METTL15: variants seen among roughly 807,000 people sequenced by gnomAD.
The protein encoded by METTL15 is 12S rRNA N(4)-cytidine methyltransferase METTL15.
Under a neutral mutation model 38.3 loss-of-function variants are expected in METTL15, and 34 were observed. The ratio of observed to expected loss-of-function variants is 0.89; its 90% CI spans 0.68 to 1.18. The LOEUF is 1.18. Among genes scored for constraint, METTL15 ranks in the 50% most tolerant of loss-of-function variants. The pLI is 0.00. For synonymous variants in METTL15, 162 were observed against 170.9 expected (o/e 0.95, Z 0.41); for missense variants, 438 against 498.4 (o/e 0.88, Z 1.15).
At chr11:28,180,972 T>G (rs867340445) in intron 3 of METTL15, among the ~76,000 whole-genome samples, 27 of 151,828 alleles carry the variant, frequency 1.8e-4, no homozygotes, top group African/African-American at 6.5e-4. Flanking sequence ...TTGCTAGGTT[T>G]CGTTTTCTAC....
chr11:28,272,013 A>G (rs1855660645), intron 4 of METTL15, among the ~76,000 whole-genome samples: 1 of 152,226 alleles, frequency 6.6e-6, no homozygotes, highest in Non-Finnish European at 1.5e-5. Context: ...CAAAACCACA[A>G]TGAGATACCA....
chr11:28,113,429 G>T lies in METTL15; in HGVS notation c.95G>T (p.Arg32Ile). Residue 32 changes from arginine (R) to isoleucine (I), a missense_variant, in exon 3 of 7, where the codon AGA (arginine) becomes ATA (isoleucine). Arg to Ile is a moderately conservative substitution (Grantham distance 97). Coordinates refer to ENST00000407364, the MANE Select transcript of METTL15 (RefSeq NM_001113528.2). ...GIPNLGVWPN[R>I]IHTTAEKYRE... ...CCTAATTTAGGTGTCTGGCCAAACAGAATACATACTACAGCAGAAAAATAT... is the reference window on the plus strand; with the variant it reads ...CCTAATTTAGGTGTCTGGCCAAACATAATACATACTACAGCAGAAAAATAT... The T allele has an allele frequency of 3.1e-6, 5 of 1,603,204 alleles. No homozygotes were observed. Among genetic ancestry groups the T allele is most frequent in the Non-Finnish European group, 4.3e-6 (5 of 1,175,252 alleles).
chr11:28,248,815 G>C lies in METTL15; in HGVS notation c.407+37617G>C, dbSNP rs1460654657. On this transcript the variant is annotated intron_variant, in intron 4 of 6. Transcript: ENST00000407364. Reference sequence around the variant, plus strand: ...TTTTATTTATCCCATTTTATTATTAGAAAAAAAAAGCATCACTAAGGTTAA... The same window carrying C: ...TTTTATTTATCCCATTTTATTATTACAAAAAAAAAGCATCACTAAGGTTAA... 2.0e-5 allele frequency among the ~76,000 whole-genome samples: 3 copies of C among 149,206 alleles called. No individual in the cohort carries two copies. The East Asian group carries it at 5.9e-4, about 29-fold the overall frequency.
intron 3 of METTL15, among the ~76,000 whole-genome samples, chr11:28,171,772 G>A (rs916746818): frequency 6.0e-5 from 9 of 149,208 alleles, no homozygotes; most frequent in African/African-American, 1.2e-4. Context: ...CCTGCCCGCC[G>A]CCTCTCTCTC....
intron 6 of METTL15, among the ~76,000 whole-genome samples, chr11:28,448,284 T>C (rs565312060): frequency 6.6e-6 from 1 of 152,298 alleles, no homozygotes; most frequent in African/African-American, 2.4e-5. Flanking sequence ...TTGGGCAGGG[T>C]TCCTGCTGCA....
intron 5 of METTL15, among the ~76,000 whole-genome samples, chr11:28,380,478 T>C (rs1396709748): frequency 3.3e-5 from 5 of 152,208 alleles, no homozygotes; most frequent in African/African-American, 1.2e-4. Context: ...GATTCATTGT[T>C]ATTACTGATA....
In METTL15 at chr11:28,290,304, A is replaced by T. The variant is rs1856460493; in HGVS notation, c.506A>T (p.Asp169Val). 1 of 1,613,450 alleles carries T rather than the reference A, an allele frequency of 6.2e-7. No individual in the cohort carries two copies. The highest frequency in any genetic ancestry group is 1.1e-5 in the South Asian group (1 of 91,080). ...QPGTFDGVLM[D>V]LGCSSMQLDT... is the part of the protein sequence containing the mutation. The stretch of plus-strand genomic sequence containing the variant: ...GGAACTTTTGATGGAGTTCTTATGG[A>T]TCTTGGGTGTTCCTCCATGCAACTT... Residue 169 changes from aspartate (D) to valine (V), a missense_variant, in exon 5 of 7, where the codon GAT becomes GTT. Asp to Val is a radical substitution (Grantham distance 152, BLOSUM62 -3). Coordinates refer to ENST00000407364, the MANE Select transcript of METTL15 (RefSeq NM_001113528.2).
chr11:28,186,306 A>T (rs1851491071), intron 3 of METTL15, among the ~76,000 whole-genome samples: 1 of 151,332 alleles, frequency 6.6e-6, no homozygotes, highest in African/African-American at 2.4e-5. Context: ...AAGTATAGCC[A>T]ACCTATATAA....
chr11:28,240,328 C>A lies in METTL15; in HGVS notation c.407+29130C>A, dbSNP rs1590207490. On this transcript the variant is annotated intron_variant, in intron 4 of 6. Coordinates refer to ENST00000407364, the MANE Select transcript of METTL15 (RefSeq NM_001113528.2). ...GCTTTAAGTAACAAAGTTATATAATCTAGAAAGATTTCTGAATAATCAAGG... is the reference window on the plus strand; with the variant it reads ...GCTTTAAGTAACAAAGTTATATAATATAGAAAGATTTCTGAATAATCAAGG... 2.0e-5 allele frequency among the ~76,000 whole-genome samples: 3 copies of A among 152,100 alleles called. No individual in the cohort carries two copies. In the South Asian group the frequency reaches 6.2e-4, roughly 32 times the overall value.
Position 28,290,225 on chromosome 11 carries a change from C to G in METTL15, c.427C>G (p.Leu143Val). The G allele has an allele frequency of 6.2e-7, 1 of 1,611,836 alleles. No homozygotes were observed. Among genetic ancestry groups the G allele is most frequent in the Non-Finnish European group, 8.5e-7 (1 of 1,178,872 alleles). The change falls in exon 5 of 7, where the codon CTG becomes GTG. Residue 143 changes from leucine (L) to valine (V), a missense_variant. Physicochemically the swap from Leu to Val is conservative, Grantham distance 32. Transcript: ENST00000407364. ...TCACAGTAAACAAATCCGAGCTATGCTGGGCCAGTTCAGCCAGGCAGAAGC... is the reference window on the plus strand; with the variant it reads ...TCACAGTAAACAAATCCGAGCTATGGTGGGCCAGTTCAGCCAGGCAGAAGC... ...ELYPKQIRAM[L>V]GQFSQAEALL...
chr11:28,241,314 G>A (rs368066015), intron 4 of METTL15, among the ~76,000 whole-genome samples: 117 of 152,116 alleles, frequency 7.7e-4, no homozygotes, highest in African/African-American at 2.3e-3. Flanking sequence ...CAGGCGGATC[G>A]CAAGGTCAGG....
chr11:28,239,994 C>T (rs557725972), intron 4 of METTL15, among the ~76,000 whole-genome samples: 1 of 152,060 alleles, frequency 6.6e-6, no homozygotes, highest in African/African-American at 2.4e-5. Flanking sequence ...GATCTAATAC[C>T]TATAACAGTT....
chr11:28,288,642 A>G (rs764501596), intron 4 of METTL15, among the ~76,000 whole-genome samples: 8 of 152,012 alleles, frequency 5.3e-5, no homozygotes, highest in African/African-American at 2.4e-5. Flanking sequence ...GAGGGGAACA[A>G]CACACACTGG....
intron 6 of METTL15, among the ~76,000 whole-genome samples, chr11:28,513,511 G>A (rs763794651): frequency 2.0e-5 from 3 of 152,152 alleles, no homozygotes; most frequent in Non-Finnish European, 2.9e-5. Flanking sequence ...AGACCAGCTC[G>A]GTTGGGGAGA....
At chr11:28,157,705 C>A (rs142715880) in intron 3 of METTL15, among the ~76,000 whole-genome samples, 10 of 152,078 alleles carry the variant, frequency 6.6e-5, no homozygotes, top group Non-Finnish European at 1.0e-4. Flanking sequence ...TCTACGTGAT[C>A]GGGCTCGAGC....
chr11:28,122,615 T>G (rs1218065527), intron 3 of METTL15, among the ~76,000 whole-genome samples: 1 of 151,600 alleles, frequency 6.6e-6, no homozygotes, highest in Non-Finnish European at 1.5e-5. Context: ...AGTAACTATA[T>G]AATTAGGTTT....
rs183034062 is a variant in METTL15, at chr11:28,217,619, A to T, written c.407+6421A>T. 1.5e-4 allele frequency among the ~76,000 whole-genome samples: 23 copies of T among 152,302 alleles called. No individual in the cohort carries two copies. In the East Asian group the frequency reaches 4.1e-3, roughly 27 times the overall value. On this transcript the variant is annotated intron_variant, in intron 4 of 6. Coordinates refer to ENST00000407364, the MANE Select transcript of METTL15 (RefSeq NM_001113528.2). Reference sequence around the variant, plus strand: ...TCCCATTGCTTTTGGTGTTTTAGATATGAAATCCTTACCCATGCCTATGTC... The same window carrying T: ...TCCCATTGCTTTTGGTGTTTTAGATTTGAAATCCTTACCCATGCCTATGTC...
At chr11:28,506,540 G>T (rs1215835429) in intron 6 of METTL15, among the ~76,000 whole-genome samples, 1 of 152,026 alleles carries the variant, frequency 6.6e-6, no homozygotes, top group African/African-American at 2.4e-5. Context: ...TCCTATAAAA[G>T]ATTACTCATT....
At chr11:28,359,749 A>C (rs906503756) in intron 4 of METTL15, among the ~76,000 whole-genome samples, 2 of 152,076 alleles carry the variant, frequency 1.3e-5, no homozygotes, top group Non-Finnish European at 2.9e-5. Context: ...CTGTTTTGCA[A>C]CTCACCAGAA....
Sources: gnomAD v4.1 joint callset for allele counts (sites outside exome capture counted in the v4.1 genomes callset) on GRCh38, gnomAD v4.1.1 for gene constraint, MANE v1.5 for transcripts, NCBI Gene and HGNC (gene_info 2026-07-23, HGNC 2026-07-21) for gene names.